The following YARS1 variants were observed in gnomAD, a reference collection of about 807,000 sequenced individuals.
YARS1 encodes tyrosine--tRNA ligase, cytoplasmic.
In YARS1, 36 loss-of-function variants were observed where a neutral mutation model predicts 62.2. That is an observed-to-expected ratio of 0.58 (90% confidence interval 0.44 to 0.76). The LOEUF is 0.76. Among genes scored for constraint, YARS1 ranks in the 30% least tolerant of loss-of-function variants. The pLI, the probability that YARS1 is intolerant of heterozygous loss-of-function variation, is 0.00. For synonymous variants in YARS1, 234 were observed against 244.9 expected (o/e 0.96, Z 0.42); for missense variants, 524 against 639.8 (o/e 0.82, Z 1.95).
chr1:32,810,750 G>A lies in YARS1; in HGVS notation c.221C>T (p.Ala74Val), dbSNP rs1429267110. ...GTTATCCAGGTATGCGTGGAGGTCC[G>A]CAAACAGAATTGTTACCTGGACAAG... Reference protein sequence around the residue: ...KAGCEVTILFADLHAYLDNMK... With the variant: ...KAGCEVTILFVDLHAYLDNMK... Residue 74 changes from alanine to valine, a missense_variant, in exon 3 of 13, where the codon GCG (alanine) becomes GTG (valine). Ala to Val is a moderately conservative substitution (Grantham distance 64). Transcript: ENST00000373477. 5.6e-6 allele frequency: 9 copies of A among 1,613,998 alleles called. No homozygotes were observed. In the Admixed American group the frequency reaches 1.3e-4, roughly 24 times the overall value.
chr1:32,793,308 A>G (rs1375196561), intron 5 of YARS1, among the ~76,000 whole-genome samples: 1 of 152,232 alleles, frequency 6.6e-6, no homozygotes, highest in Non-Finnish European at 1.5e-5. Context: ...GAAGCTCAGC[A>G]AAATCTAAGC....
intron 3 of YARS1, among the ~76,000 whole-genome samples, chr1:32,809,951 C>A (rs939675788): frequency 2.0e-5 from 3 of 151,832 alleles, no homozygotes; most frequent in African/African-American, 7.3e-5. Flanking sequence ...ACTAAAAATA[C>A]AAAAATTAGC....
In YARS1 at chr1:32,775,352, T is replaced by G. The variant is rs1243862713; in HGVS notation, c.*629A>C. ...GACAGAATCACTCTCTGCCATTCAT[T>G]CTGCCTGATGCTAACAACACGCAGC... is the stretch of plus-strand genomic sequence containing the variant. On this transcript the variant is annotated 3_prime_UTR_variant, in exon 13 of 13. Coordinates refer to ENST00000373477, the MANE Select transcript of YARS1 (RefSeq NM_003680.4). 1 of 153,988 alleles carries G rather than the reference T, an allele frequency of 6.5e-6. No individual in the cohort carries two copies. The highest frequency in any genetic ancestry group is 2.4e-5 in the African/African-American group (1 of 41,452). 9.5% of individuals were successfully genotyped at this position (153,988 alleles called of 1,614,324 possible). A position where few individuals can be genotyped will look rare whatever the true frequency, so the allele number is the denominator to read the frequency against.
chr1:32,798,123 T>G (rs1032653311), intron 4 of YARS1: 2 of 409,014 alleles, frequency 4.9e-6, no homozygotes, highest in African/African-American at 4.1e-5. Context: ...CCACCCACCT[T>G]GGCCTCCCAA....
In YARS1 at chr1:32,806,515, A is replaced by G. The variant is rs183753979; in HGVS notation, c.477T>C (p.Pro159=). 7.4e-6 allele frequency: 12 copies of G among 1,614,174 alleles called. No individual in the cohort carries two copies. The highest frequency in any genetic ancestry group is 1.7e-5 in the Admixed American group (1 of 60,016). Residue 159 remains proline (P), a synonymous_variant, in exon 4 of 13, where the codon CCT becomes CCC. Coordinates refer to ENST00000373477, the MANE Select transcript of YARS1 (RefSeq NM_003680.4). The stretch of plus-strand genomic sequence containing the variant: ...CGGGGTATAAGAGGCCACTCAGCAA[A>G]GGGTGCTCCACCTGCTTTACCACCT... ...GAEVVKQVEH[P]LLSGLLYPGL...
intron 5 of YARS1, among the ~76,000 whole-genome samples, chr1:32,791,524 G>A (rs992040048): frequency 6.6e-6 from 1 of 152,094 alleles, no homozygotes; most frequent in African/African-American, 2.4e-5. Context: ...AGGGCAAGCC[G>A]GGCATGGTGG....
intron 4 of YARS1, among the ~76,000 whole-genome samples, chr1:32,798,756 G>A (rs1333083723): frequency 6.6e-6 from 1 of 152,194 alleles, no homozygotes; most frequent in Non-Finnish European, 1.5e-5. Flanking sequence ...CAGAGAGGTC[G>A]TGGCTGCGGT....
intron 5 of YARS1, among the ~76,000 whole-genome samples, chr1:32,794,299 G>A (rs530481044): frequency 5.3e-5 from 8 of 152,160 alleles, no homozygotes; most frequent in South Asian, 4.1e-4. Context: ...GCAGTGAGCC[G>A]AGATCATGCC....
At chr1:32,803,565 C>G (rs556460989) in intron 4 of YARS1, among the ~76,000 whole-genome samples, 1 of 152,332 alleles carries the variant, frequency 6.6e-6, no homozygotes, top group African/African-American at 2.4e-5. Context: ...AGCCAGGAAT[C>G]AACTTCTCTC....
At chr1:32,811,155 T>C in intron 1 of YARS1, 98 bp from the exon 2 acceptor site, 3 of 1,578,364 alleles carry the variant, frequency 1.9e-6, no homozygotes, top group South Asian at 2.2e-5. Flanking sequence ...TCAGTGGAGA[T>C]CCAGGCTCAG....
chr1:32,785,890 C>CTTTTTTTTTTTTTTTT (rs11344284), intron 8 of YARS1, among the ~76,000 whole-genome samples: 1 of 146,430 alleles, frequency 6.8e-6, no homozygotes, highest in Non-Finnish European at 1.5e-5. Flanking sequence ...AGCCCATTTT[C>CTTTTTTTTTTTTTTTT]TTTTTTTTTT....
chr1:32,794,140 A>C (rs1007516131), intron 5 of YARS1, among the ~76,000 whole-genome samples: 3 of 152,190 alleles, frequency 2.0e-5, no homozygotes, highest in African/African-American at 7.2e-5. Context: ...GCTTGAGGTC[A>C]GGAGTTCAAG....
At chr1:32,797,881 A>T (rs3965414) in intron 4 of YARS1, 38 bp from the exon 5 acceptor site, 2 of 1,584,094 alleles carry the variant, frequency 1.3e-6, no homozygotes, top group South Asian at 1.1e-5. Context: ...CATCTACTTT[A>T]TTTTTTTGAG....
intron 4 of YARS1, among the ~76,000 whole-genome samples, chr1:32,805,438 C>T (rs959045398): frequency 6.6e-6 from 1 of 152,116 alleles, no homozygotes; most frequent in East Asian, 1.9e-4. Flanking sequence ...TGGCTGGTTT[C>T]ATCTTCTATC....
chr1:32,775,859 TAA>T lies in YARS1; in HGVS notation c.*120_*121del, dbSNP rs1196616499. On this transcript the variant is annotated 3_prime_UTR_variant, in exon 13 of 13. Transcript: ENST00000373477. ...GCCCCTTGCCGAGTTCTGCACCGAA[TAA>T]AGAGTCCAAACCCGCTGCTTCCGTG... is the stretch of plus-strand genomic sequence containing the variant. 1.7e-5 allele frequency: 16 copies of T among 920,768 alleles called. No individual in the cohort carries two copies. In the Admixed American group the frequency reaches 1.8e-4, roughly 10 times the overall value. 57.0% of individuals were successfully genotyped at this position (920,768 alleles called of 1,614,324 possible).
chr1:32,775,641 C>A lies in YARS1; in HGVS notation c.*340G>T, dbSNP rs1652829390. On this transcript the variant is annotated 3_prime_UTR_variant, in exon 13 of 13. Transcript: ENST00000373477. ...GCTGCTTGGATAACTCCAAGAAAAC[C>A]TGGGCACCAGTATTTTTCCAATTAT... 3.4e-6 allele frequency: 1 copy of A among 296,342 alleles called. No homozygotes were observed. Among genetic ancestry groups the A allele is most frequent in the East Asian group, 7.0e-5 (1 of 14,208 alleles). 18.4% of individuals were successfully genotyped at this position (296,342 alleles called of 1,614,324 possible). A position where few individuals can be genotyped will look rare whatever the true frequency, so the allele number is the denominator to read the frequency against.
chr1:32,799,709 G>A (rs1354128562), intron 4 of YARS1, among the ~76,000 whole-genome samples: 1 of 152,180 alleles, frequency 6.6e-6, no homozygotes, highest in East Asian at 1.9e-4. Context: ...TATAGCCAAT[G>A]TGACTAGAGA....
At chr1:32,795,215 A>T (rs1043874826) in intron 5 of YARS1, among the ~76,000 whole-genome samples, 2 of 151,440 alleles carry the variant, frequency 1.3e-5, no homozygotes, top group African/African-American at 2.4e-5. Flanking sequence ...GCTACTTGGG[A>T]AGCTGAGGCA....
At chr1:32,815,216 G>A (rs1379619962) in intron 1 of YARS1, among the ~76,000 whole-genome samples, 1 of 152,136 alleles carries the variant, frequency 6.6e-6, no homozygotes, top group African/African-American at 2.4e-5. Context: ...CGGCGTGGTG[G>A]TGCACGTCTG....
Sources: gnomAD v4.1 joint callset for allele counts (sites outside exome capture counted in the v4.1 genomes callset) on GRCh38, gnomAD v4.1.1 for gene constraint, MANE v1.5 for transcripts, NCBI Gene and HGNC (gene_info 2026-07-23, HGNC 2026-07-21) for gene names.